Variants in PHYH observed in about 807,000 individuals in gnomAD.
PHYH encodes the protein phytanoyl-CoA 2-hydroxylase, also known as phytanoyl-CoA dioxygenase, peroxisomal.
A neutral mutation model predicts 38.5 loss-of-function variants in PHYH; 32 were observed. The ratio of observed to expected loss-of-function variants is 0.83; its 90% CI spans 0.63 to 1.12. PHYH has a LOEUF of 1.12. PHYH is among the 50% of genes most tolerant of loss of function. PHYH has a pLI of 0.00. For missense variants in PHYH, 426 were observed against 434.8 expected (o/e 0.98, Z 0.18); for synonymous variants, 166 against 157.9 (o/e 1.05, Z -0.38).
chr10:13,295,514 G>A lies in PHYH; in HGVS notation c.227C>T (p.Ala76Val), dbSNP rs141855372. The A allele has an allele frequency of 7.8e-6, 12 of 1,541,038 alleles. No homozygotes were observed. In the African/African-American group the frequency reaches 1.1e-4, roughly 14 times the overall value. Residue 76 changes from alanine to valine, a missense_variant, in exon 3 of 9, where the codon GCC becomes GTC. By Grantham distance (64) the Ala-to-Val change is moderately conservative (BLOSUM62 0). Transcript: ENST00000263038. ...FLVIKNLVPD[A>V]DIQRFRNEFE... ...ACTGTACCGAAAGCGTTGAATATCG[G>A]CATCAGGTACAAGATTTTTGATTAC...
chr10:13,297,258 A>G (rs1832585083), intron 2 of PHYH, among the ~76,000 whole-genome samples: 1 of 152,186 alleles, frequency 6.6e-6, no homozygotes. Flanking sequence ...CATTCCAAGA[A>G]GGTAAAGTAA....
chr10:13,293,860 C>T (rs911551426), intron 4 of PHYH, among the ~76,000 whole-genome samples: 1 of 151,764 alleles, frequency 6.6e-6, no homozygotes, highest in Non-Finnish European at 1.5e-5. Flanking sequence ...TAATTTATAC[C>T]TCCTAAAATC....
At position 13,278,183 on chromosome 10, in the gene PHYH, G is replaced by A. The variant is rs954479450; in HGVS notation, c.*118C>T. 1 of 748,180 alleles carries A rather than the reference G, an allele frequency of 1.3e-6. No homozygotes were observed. Among genetic ancestry groups the A allele is most frequent in the Admixed American group, 1.9e-5 (1 of 51,290 alleles). 46.3% of individuals were successfully genotyped at this position (748,180 alleles called of 1,614,324 possible). Reference sequence around the variant, plus strand: ...CTATGCAATTAAGTACCTGATACATGTTTTCTGCTTTTAACAAGTGATAGA... The same window carrying A: ...CTATGCAATTAAGTACCTGATACATATTTTCTGCTTTTAACAAGTGATAGA... On this transcript the variant is annotated 3_prime_UTR_variant, in exon 9 of 9. Transcript: ENST00000263038.
intron 5 of PHYH, among the ~76,000 whole-genome samples, chr10:13,290,018 C>T (rs1835665965): frequency 6.7e-6 from 1 of 148,874 alleles, no homozygotes; most frequent in Admixed American, 6.7e-5. Context: ...CCGGTAATCC[C>T]AGCACTTTGG....
intron 1 of PHYH, 133 bp downstream of exon 1, chr10:13,299,835 C>A (rs1441578556): frequency 7.5e-7 from 1 of 1,328,468 alleles, no homozygotes; most frequent in Non-Finnish European, 9.6e-7. Flanking sequence ...CAGGCGGGGA[C>A]GCGGCGCTGA....
At chr10:13,298,718 C>CACCACTACTACTACTACT (rs1554785618) in intron 1 of PHYH, among the ~76,000 whole-genome samples, 12 of 93,436 alleles carry the variant, frequency 1.3e-4, no homozygotes, top group African/African-American at 3.8e-4. Context: ...AAACTACCAC[C>CACCACTACTACTACTACT]ACTACTACTA....
chr10:13,279,726 AC>A (rs1835368877), intron 8 of PHYH, among the ~76,000 whole-genome samples: 1 of 152,204 alleles, frequency 6.6e-6, no homozygotes, highest in South Asian at 2.1e-4. Flanking sequence ...GAGTAATTAA[AC>A]TAAATGTGGG....
At chr10:13,290,852 T>G (rs540896726) in intron 5 of PHYH, among the ~76,000 whole-genome samples, 2 of 152,208 alleles carry the variant, frequency 1.3e-5, no homozygotes, top group East Asian at 3.9e-4. Context: ...ATCCCAGCAC[T>G]TTGGGAGGCC....
At chr10:13,286,241 A>G (rs560568089) in intron 6 of PHYH, among the ~76,000 whole-genome samples, 2 of 152,236 alleles carry the variant, frequency 1.3e-5, no homozygotes, top group African/African-American at 2.4e-5. Context: ...CTAGATGCCT[A>G]TACCTCTAAC....
rs559307257 is a variant in PHYH, at chr10:13,299,872, G to C, written c.75+96C>G. On this transcript the variant is annotated intron_variant, in intron 1 of 8. Transcript: ENST00000263038. ...CGAGGAGGCGCTGGGGCTGCGAAGC[G>C]TGCGACCCCGAGGCCTCCACCCGGA... 1,759 of 1,389,982 alleles carry C rather than the reference G, an allele frequency of 1.3e-3. 39 individuals carry two copies. In the South Asian group the frequency reaches 0.025, roughly 20 times the overall value. 86.1% of individuals were successfully genotyped at this position (1,389,982 alleles called of 1,614,324 possible).
At chr10:13,287,321 G>A (rs1835577228) in intron 6 of PHYH, among the ~76,000 whole-genome samples, 1 of 151,530 alleles carries the variant, frequency 6.6e-6, no homozygotes, top group Non-Finnish European at 1.5e-5. Context: ...CCTGGTGACA[G>A]AGTGAGACTC....
chr10:13,279,712 TAC>T (rs1835368625), intron 8 of PHYH, among the ~76,000 whole-genome samples: 1 of 152,214 alleles, frequency 6.6e-6, no homozygotes, highest in African/African-American at 2.4e-5. Context: ...AAATATAACT[TAC>T]AGAGTAATTA....
In PHYH at chr10:13,298,373, C is replaced by T. The variant is rs990013424; in HGVS notation, c.76-128G>A. On this transcript the variant is annotated intron_variant, in intron 1 of 8. Coordinates refer to ENST00000263038, the MANE Select transcript of PHYH (RefSeq NM_006214.4). Reference sequence around the variant, plus strand: ...CTTGAGCTCAGGAGTTCGAGACCAGCCTGGCCAACATGGTGAAACCCCATC... The same window carrying T: ...CTTGAGCTCAGGAGTTCGAGACCAGTCTGGCCAACATGGTGAAACCCCATC... The T allele has an allele frequency of 3.1e-5, 20 of 640,430 alleles. No homozygotes were observed. The African/African-American group carries it at 3.7e-4, about 12-fold the overall frequency. 39.7% of individuals were successfully genotyped at this position (640,430 alleles called of 1,614,324 possible).
At chr10:13,287,845 A>G (rs545856306) in intron 6 of PHYH, among the ~76,000 whole-genome samples, 1 of 152,270 alleles carries the variant, frequency 6.6e-6, no homozygotes, top group East Asian at 1.9e-4. Flanking sequence ...CTCGGATCCT[A>G]TACAGTACCT....
intron 6 of PHYH, among the ~76,000 whole-genome samples, chr10:13,288,116 G>T (rs1008509131): frequency 2.0e-5 from 3 of 152,120 alleles, no homozygotes; most frequent in African/African-American, 7.2e-5. Flanking sequence ...GGAGTTGGAG[G>T]TTGCAGTGAG....
intron 4 of PHYH, among the ~76,000 whole-genome samples, chr10:13,293,566 CTG>C (rs1015492056): frequency 6.6e-6 from 1 of 152,060 alleles, no homozygotes; most frequent in African/African-American, 2.4e-5. Flanking sequence ...TCCCAAAGTG[CTG>C]GGATTACAGG....
chr10:13,298,773 A>ACTACTACTG (rs1564430829), intron 1 of PHYH, among the ~76,000 whole-genome samples: 1 of 119,956 alleles, frequency 8.3e-6, no homozygotes, highest in Non-Finnish European at 1.8e-5. Context: ...TGCTACTACT[A>ACTACTACTG]CTACTACTAA....
intron 5 of PHYH, among the ~76,000 whole-genome samples, chr10:13,290,727 T>A (rs1053585479): frequency 6.6e-6 from 1 of 152,036 alleles, no homozygotes; most frequent in Non-Finnish European, 1.5e-5. Flanking sequence ...TACAGAAACC[T>A]GGGTTATATT....
intron 1 of PHYH, among the ~76,000 whole-genome samples, chr10:13,298,869 GCA>G (rs1832654981): frequency 1.4e-4 from 3 of 21,100 alleles, no homozygotes; most frequent in Non-Finnish European, 4.3e-4. Context: ...GGCCGACATT[GCA>G]GAGTGCGGCA....
Sources: gnomAD v4.1 joint callset for allele counts (sites outside exome capture counted in the v4.1 genomes callset) on GRCh38, gnomAD v4.1.1 for gene constraint, MANE v1.5 for transcripts, NCBI Gene and HGNC (gene_info 2026-07-23, HGNC 2026-07-21) for gene names.